The following HOMEZ variants were observed in gnomAD, a reference collection of about 807,000 sequenced individuals.
The protein encoded by HOMEZ is homeobox and leucine zipper protein Homez.
Under a neutral mutation model 50.1 loss-of-function variants are expected in HOMEZ, and 20 were observed. The observed-to-expected ratio is 0.40, with a 90% CI of 0.28 to 0.58. The LOEUF is 0.58. HOMEZ is among the 20% of genes least tolerant of loss of function. The probability of loss-of-function intolerance (pLI) is 0.46; values close to 1 mark genes in which losing one functional copy is unlikely to be tolerated. For synonymous variants in HOMEZ, 239 were observed against 254.7 expected (o/e 0.94, Z 0.59); for missense variants, 579 against 680.5 (o/e 0.85, Z 1.66).
In HOMEZ at chr14:23,273,109, A is replaced by G; in HGVS notation, c.*2466T>C. On this transcript the variant is annotated 3_prime_UTR_variant, in exon 2 of 2. Transcript: ENST00000357460. ...GCTAGTGCTTCAGGAAGATGTTTAT[A>G]TCTCTTCCAGAAGACACTGGTAGCT... 2.6e-6 allele frequency: 1 copy of G among 387,524 alleles called. No homozygotes were observed. Among genetic ancestry groups the G allele is most frequent in the Non-Finnish European group, 4.6e-6 (1 of 216,690 alleles). 24.0% of individuals were successfully genotyped at this position (387,524 alleles called of 1,614,324 possible). A position where few individuals can be genotyped will look rare whatever the true frequency, so the allele number is the denominator to read the frequency against.
chr14:23,282,691 T>C (rs1886581433), intron 1 of HOMEZ, among the ~76,000 whole-genome samples: 1 of 152,222 alleles, frequency 6.6e-6, no homozygotes, highest in African/African-American at 2.4e-5. Flanking sequence ...CAGATGGGAA[T>C]ATAAGGCAGG....
intron 1 of HOMEZ, among the ~76,000 whole-genome samples, chr14:23,281,586 A>T (rs947055954): frequency 3.3e-5 from 5 of 152,096 alleles, no homozygotes; most frequent in African/African-American, 9.7e-5. Context: ...GGGTGAGACA[A>T]ATTAATGCAA....
chr14:23,285,668 C>T (rs1410266867), intron 1 of HOMEZ: 1 of 391,166 alleles, frequency 2.6e-6, no homozygotes, highest in Middle Eastern at 4.5e-4. Flanking sequence ...ATGAGGCAGG[C>T]GAATCTCAAT....
At position 23,276,574 on chromosome 14, in the gene HOMEZ, A is replaced by G; in HGVS notation, c.654T>C (p.Asp218=). The G allele has an allele frequency of 6.2e-7, 1 of 1,613,996 alleles. No individual in the cohort carries two copies. The highest frequency in any genetic ancestry group is 8.5e-7 in the Non-Finnish European group (1 of 1,179,886). Residue 218 remains aspartate (D), a synonymous_variant, in exon 2 of 2, where the codon GAT becomes GAC. Transcript: ENST00000357460. The surrounding 1 kb of genome is among the most constrained non-coding windows in gnomAD (Gnocchi z 4.1). ...CACTGCTTTGAAGATGTTGCCAAAAATCTGATTGGTAGGGGAATGCTCCAC... is the reference window on the plus strand; with the variant it reads ...CACTGCTTTGAAGATGTTGCCAAAAGTCTGATTGGTAGGGGAATGCTCCAC... ...PGSGAFPYQS[D]FWQHLQSSGL...
chr14:23,285,254 A>T (rs1886632988), intron 1 of HOMEZ: 2 of 142,046 alleles, frequency 1.4e-5, no homozygotes. Flanking sequence ...TTCACATGAC[A>T]AAAAAAAAAA....
chr14:23,284,254 T>C (rs1013509306), intron 1 of HOMEZ, among the ~76,000 whole-genome samples: 1 of 152,220 alleles, frequency 6.6e-6, no homozygotes, highest in African/African-American at 2.4e-5. Flanking sequence ...CACTTAAAGA[T>C]GAACAGTTTG....
rs1327114044 is a variant in HOMEZ, at chr14:23,275,183, T to C, written c.*392A>G. 1.7e-5 allele frequency: 3 copies of C among 181,098 alleles called. No homozygotes were observed. The highest frequency in any genetic ancestry group is 3.4e-5 in the Non-Finnish European group (3 of 88,218). 11.2% of individuals were successfully genotyped at this position (181,098 alleles called of 1,614,324 possible). The stretch of plus-strand genomic sequence containing the variant: ...ATTGGGGATGCACTGGAATCATCAA[T>C]CAAATCAGAATCCTTTACTCCTCCT... On this transcript the variant is annotated 3_prime_UTR_variant, in exon 2 of 2. Transcript: ENST00000357460.
chr14:23,280,709 A>ATTTATTTTATT (rs1886496288), intron 1 of HOMEZ, among the ~76,000 whole-genome samples: 1 of 49,800 alleles, frequency 2.0e-5, no homozygotes, highest in African/African-American at 5.6e-5. Context: ...TTATATTTTT[A>ATTTATTTTATT]TTTTTATTTT....
chr14:23,277,458 A>G (rs1029767474), intron 1 of HOMEZ, among the ~76,000 whole-genome samples: 6 of 152,348 alleles, frequency 3.9e-5, no homozygotes, highest in Admixed American at 1.3e-4. Flanking sequence ...TCCAAGAAAA[A>G]AATCTGTCTT....
chr14:23,280,740 A>ATTTTATTATTTTATT lies in HOMEZ; in HGVS notation c.41-3554_41-3553insAATAAAATAATAAAA, dbSNP rs35341745. Among the ~76,000 whole-genome samples, 130 of 41,256 alleles carry ATTTTATTATTTTATT rather than the reference A, an allele frequency of 3.2e-3. 5 individuals carry two copies. The highest frequency in any genetic ancestry group is 0.012 in the South Asian group (19 of 1,528). 27.1% of individuals were successfully genotyped at this position (41,256 alleles called of 152,430 possible). On this transcript the variant is annotated intron_variant, in intron 1 of 1. Transcript: ENST00000357460. ...ATTTTATTTTATTTTATTTTATTTT[A>ATTTTATTATTTTATT]TTATTTTATTTTATTTTATTTTATT...
intron 1 of HOMEZ, among the ~76,000 whole-genome samples, chr14:23,281,724 G>A (rs1886560147): frequency 1.3e-5 from 2 of 151,728 alleles, no homozygotes; most frequent in Admixed American, 1.3e-4. Flanking sequence ...AACACCTTGG[G>A]AGGCCAAGGT....
Position 23,277,199 on chromosome 14 carries a change from A to C in HOMEZ, c.41-12T>G, listed in dbSNP as rs373290020. 1.4e-5 allele frequency: 21 copies of C among 1,526,232 alleles called. No homozygotes were observed. Among genetic ancestry groups the C allele is most frequent in the Non-Finnish European group, 1.7e-5 (19 of 1,135,600 alleles). 94.5% of individuals were successfully genotyped at this position (1,526,232 alleles called of 1,614,324 possible). A position where few individuals can be genotyped will look rare whatever the true frequency, so the allele number is the denominator to read the frequency against. Reference sequence around the variant, plus strand: ...CCCTTCAGAGATAGCTGCAATAAGAAGACAAACAGCTCAATCACTGGGTCT... The same window carrying C: ...CCCTTCAGAGATAGCTGCAATAAGACGACAAACAGCTCAATCACTGGGTCT... On this transcript the variant is annotated splice_polypyrimidine_tract_variant and intron_variant, in intron 1 of 1. Transcript: ENST00000357460.
chr14:23,276,443 T>C lies in HOMEZ; in HGVS notation c.785A>G (p.Lys262Arg). Residue 262 changes from lysine (K) to arginine (R), a missense_variant, in exon 2 of 2, where the codon AAA becomes AGA. Lys to Arg is a conservative substitution (Grantham distance 26). Coordinates refer to ENST00000357460, the MANE Select transcript of HOMEZ (RefSeq NM_020834.3). The surrounding 1 kb of genome is among the most constrained non-coding windows in gnomAD (Gnocchi z 4.1). Reference sequence around the variant, plus strand: ...GGCAATTAATGCAATTGGTGGGGGTTTATCCCGAGCTTGTGGCTGGGGGAC... The same window carrying C: ...GGCAATTAATGCAATTGGTGGGGGTCTATCCCGAGCTTGTGGCTGGGGGAC... The part of the protein sequence containing the change: ...TTVPQPQARD[K>R]PPPIALIASS... 2 of 1,614,010 alleles carry C rather than the reference T, an allele frequency of 1.2e-6. No homozygotes were observed. The highest frequency in any genetic ancestry group is 1.1e-5 in the South Asian group (1 of 91,084).
intron 1 of HOMEZ, among the ~76,000 whole-genome samples, chr14:23,280,740 A>ATATTTTATT (rs1555323621): frequency 2.4e-5 from 1 of 41,264 alleles, no homozygotes; most frequent in Non-Finnish European, 5.1e-5. Context: ...ATTTTATTTT[A>ATATTTTATT]TTATTTTATT....
Position 23,275,696 on chromosome 14 carries a change from A to AC in HOMEZ, c.1531dup (p.Val511GlyfsTer5). The AC allele has an allele frequency of 6.2e-7, 1 of 1,600,710 alleles. No individual in the cohort carries two copies. The highest frequency in any genetic ancestry group is 8.5e-7 in the Non-Finnish European group (1 of 1,173,532). ...CTCTTCCTCTTCTTCATCTAGACAA[A>AC]CTACCACCTCAGCTGGCTGAGGTAA... On this transcript the variant is annotated frameshift_variant, in exon 2 of 2. Transcript: ENST00000357460. LOFTEE classifies it high-confidence loss of function.
At position 23,286,069 on chromosome 14, in the gene HOMEZ, C is replaced by G. The variant is rs550386813; in HGVS notation, c.-117G>C. 43 of 1,230,894 alleles carry G rather than the reference C, an allele frequency of 3.5e-5. No individual in the cohort carries two copies. Among genetic ancestry groups the G allele is most frequent in the South Asian group, 1.2e-4 (3 of 24,286 alleles). 76.2% of individuals were successfully genotyped at this position (1,230,894 alleles called of 1,614,324 possible). A position where few individuals can be genotyped will look rare whatever the true frequency, so the allele number is the denominator to read the frequency against. ...TGGCCGAAACCGGGACTGCCCCCCC[C>G]ACCGTCCCCGGGAGCGCGCCGGTCT... On this transcript the variant is annotated 5_prime_UTR_variant, in exon 1 of 2. Transcript: ENST00000357460.
Position 23,275,644 on chromosome 14 carries a change from A to G in HOMEZ, c.1584T>C (p.Asp528=). Residue 528 remains aspartate, a synonymous_variant, in exon 2 of 2, where the codon GAT becomes GAC. Transcript: ENST00000357460. ...EEEEEELPED[D]EEEEEEEEED... ...CCTCCTCCTCCTCCTCCTCTTCCTC[A>G]TCATCTTCTGGCAGTTCTTCCTCCT... 2 of 1,560,648 alleles carry G rather than the reference A, an allele frequency of 1.3e-6. No homozygotes were observed. Among genetic ancestry groups the G allele is most frequent in the South Asian group, 1.2e-5 (1 of 84,996 alleles).
At chr14:23,280,024 T>A (rs1886456277) in intron 1 of HOMEZ, among the ~76,000 whole-genome samples, 1 of 152,126 alleles carries the variant, frequency 6.6e-6, no homozygotes, top group Admixed American at 6.5e-5. Flanking sequence ...CTGATGAATA[T>A]CTGGAAGGTA....
At chr14:23,283,802 A>G (rs987301731) in intron 1 of HOMEZ, among the ~76,000 whole-genome samples, 1 of 152,092 alleles carries the variant, frequency 6.6e-6, no homozygotes, top group Non-Finnish European at 1.5e-5. Context: ...GGCTGAGGCA[A>G]GAGAATCGCT....
Sources: gnomAD v4.1 joint callset for allele counts (sites outside exome capture counted in the v4.1 genomes callset) on GRCh38, gnomAD v4.1.1 for gene constraint, Gnocchi (gnomAD v3.1) non-coding constraint, MANE v1.5 for transcripts, NCBI Gene and HGNC (gene_info 2026-07-23, HGNC 2026-07-21) for gene names.